HMGB2: variants seen among roughly 807,000 people sequenced by gnomAD.
HMGB2 encodes the protein high mobility group protein B2.
A neutral mutation model predicts 23.0 loss-of-function variants in HMGB2; 2 were observed. The observed-to-expected ratio is 0.09, with a 90% CI of 0.04 to 0.27. The LOEUF is 0.27. HMGB2 is among the 10% of genes least tolerant of loss of function. The pLI is 1.00. For synonymous variants in HMGB2, 99 were observed against 87.5 expected (o/e 1.13, Z -0.73); for missense variants, 178 against 256.5 (o/e 0.69, Z 2.09).
At position 173,333,071 on chromosome 4, in the gene HMGB2, T is replaced by C; in HGVS notation, c.294A>G (p.Pro98=). The C allele has an allele frequency of 2.5e-6, 4 of 1,613,008 alleles. No individual in the cohort carries two copies. The highest frequency in any genetic ancestry group is 3.4e-6 in the Non-Finnish European group (4 of 1,179,534). ...AATTTGGGTTATTTTAAACTTACGG[T>C]GGCCTTTTAGGAGCATTGGGGTCCT... ...KKKDPNAPKR[P]PSAFFLFCSE... is the part of the protein sequence containing the mutation. The change falls in exon 3 of 5, where the codon CCA becomes CCG. Residue 98 remains proline, a splice_region_variant and synonymous_variant. Transcript: ENST00000296503. The surrounding 1 kb of genome is among the most constrained non-coding windows in gnomAD (Gnocchi z 4.6).
chr4:173,333,181 C>T lies in HMGB2; in HGVS notation c.184G>A (p.Asp62Asn), dbSNP rs771170477. The change falls in exon 3 of 5, where the codon GAT (aspartate) becomes AAT (asparagine). Residue 62 changes from aspartate (D) to asparagine (N), a missense_variant. Around this residue, in one of 3 missense-constraint regions of HMGB2, gnomAD observed 90 missense variants for 114.4 expected, o/e 0.79. Coordinates refer to ENST00000296503, the MANE Select transcript of HMGB2 (RefSeq NM_002129.4). The surrounding 1 kb of genome is among the most constrained non-coding windows in gnomAD (Gnocchi z 4.6). Reference protein sequence around the residue: ...MSAKEKSKFEDMAKSDKARYD... With the variant: ...MSAKEKSKFENMAKSDKARYD... ...CGAGCTTTGTCACTTTTTGCCATAT[C>T]TTCAAACTTCGACTTCTCCTTTGCA... The T allele has an allele frequency of 6.2e-7, 1 of 1,614,054 alleles. No homozygotes were observed. The highest frequency in any genetic ancestry group is 8.5e-7 in the Non-Finnish European group (1 of 1,180,004).
At chr4:173,332,773 T>A (rs752084331) in intron 4 of HMGB2, 48 bp downstream of exon 4, 1 of 1,512,388 alleles carries the variant, frequency 6.6e-7, no homozygotes, top group South Asian at 1.2e-5. Context: ...CTACAGTTAT[T>A]ACCTATACCT....
intron 1 of HMGB2, chr4:173,334,065 T>A (rs1738185700): frequency 6.6e-6 from 1 of 152,538 alleles, no homozygotes; most frequent in African/African-American, 2.4e-5. Context: ...CATTGAAAAC[T>A]CCCAGAACCG....
At position 173,332,505 on chromosome 4, in the gene HMGB2, TCA is replaced by T. The variant is rs1578934132; in HGVS notation, c.472-269_472-268del. On this transcript the variant is annotated intron_variant, in intron 4 of 4. Transcript: ENST00000296503. ...CAGTGCCATAGTCCCTCCTGTACCT[TCA>T]CATTTTATATATATCTACATAAAAC... The T allele has an allele frequency of 1.7e-5, 8 of 481,492 alleles. No homozygotes were observed. The East Asian group carries it at 2.7e-4, about 16-fold the overall frequency. The allele number at this position is 481,492 out of a possible 1,614,324, so 29.8% of individuals were successfully genotyped here.
In HMGB2 at chr4:173,332,074, A is replaced by G. The variant is rs372043069; in HGVS notation, c.*6T>C. ...CATTCCACACGCATCATTAAAGGAT[A>G]GCCATTTATTCTTCATCTTCATCCT... is the stretch of plus-strand genomic sequence containing the variant. On this transcript the variant is annotated 3_prime_UTR_variant, in exon 5 of 5. Transcript: ENST00000296503. The G allele has an allele frequency of 2.5e-6, 4 of 1,613,590 alleles. No individual in the cohort carries two copies. The African/African-American group carries it at 5.3e-5, about 22-fold the overall frequency.
At chr4:173,332,325 A>T in intron 4 of HMGB2, 87 bp from the exon 5 acceptor site, 1 of 1,008,374 alleles carries the variant, frequency 9.9e-7, no homozygotes, top group Non-Finnish European at 1.5e-6. Flanking sequence ...AAGATGATTG[A>T]CCAATAACCC....
rs897541636 is a variant in HMGB2, at chr4:173,331,713, T to C, written c.*367A>G. On this transcript the variant is annotated 3_prime_UTR_variant, in exon 5 of 5. Transcript: ENST00000296503. ...AAGACAATAGAAATAATATACATAA[T>C]TTTATTACAAAATTTTTTTTAAAAA... 2 of 166,628 alleles carry C rather than the reference T, an allele frequency of 1.2e-5. No individual in the cohort carries two copies. Among genetic ancestry groups the C allele is most frequent in the South Asian group, 3.3e-4 (2 of 6,016 alleles). 10.3% of individuals were successfully genotyped at this position (166,628 alleles called of 1,614,324 possible).
Position 173,333,546 on chromosome 4 carries a change from G to A in HMGB2, c.104C>T (p.Ser35Phe), listed in dbSNP as rs1304003349. 5 of 1,614,196 alleles carry A rather than the reference G, an allele frequency of 3.1e-6. No individual in the cohort carries two copies. The highest frequency in any genetic ancestry group is 4.2e-6 in the Non-Finnish European group (5 of 1,180,012). Residue 35 changes from serine (S) to phenylalanine (F), a missense_variant, in exon 2 of 5, where the codon TCC becomes TTC. Ser to Phe is a radical substitution (Grantham distance 155, BLOSUM62 -2). Around this residue, in one of 3 missense-constraint regions of HMGB2, gnomAD observed 90 missense variants for 114.4 expected, o/e 0.79. Transcript: ENST00000296503. The surrounding 1 kb of genome is among the most constrained non-coding windows in gnomAD (Gnocchi z 4.6). ...EEHKKKHPDSSVNFAEFSKKC... is the reference protein window; with the variant it reads ...EEHKKKHPDSFVNFAEFSKKC... ...CTTGGAGAATTCCGCGAAATTGACGGAAGAGTCCGGGTGTTTCTTCTTGTG... is the reference window on the plus strand; with the variant it reads ...CTTGGAGAATTCCGCGAAATTGACGAAAGAGTCCGGGTGTTTCTTCTTGTG...
intron 4 of HMGB2, 78 bp from the exon 5 acceptor site, chr4:173,332,316 A>G: frequency 2.7e-6 from 3 of 1,124,220 alleles, no homozygotes; most frequent in Non-Finnish European, 3.8e-6. Flanking sequence ...AAACAATCTA[A>G]GATGATTGAC....
chr4:173,332,685 G>A (rs1400303377), intron 4 of HMGB2, 136 bp downstream of exon 4: 32 of 764,930 alleles, frequency 4.2e-5, no homozygotes, highest in Non-Finnish European at 6.1e-5. Context: ...TTGTGTTGAA[G>A]TGTACAATTT....
At chr4:173,332,633 C>T in intron 4 of HMGB2, 188 bp downstream of exon 4, 1 of 589,172 alleles carries the variant, frequency 1.7e-6, no homozygotes, top group East Asian at 2.8e-5. Context: ...TATACTAGTG[C>T]TACAAACACT....
At position 173,333,297 on chromosome 4, in the gene HMGB2, C is replaced by T. The variant is rs1405484979; in HGVS notation, c.151-83G>A. ...AAGACGACAAGATCATCTTTAAGGA[C>T]CACATTTTCCTTAACAGCATTTTGC... On this transcript the variant is annotated intron_variant, in intron 2 of 4. Coordinates refer to ENST00000296503, the MANE Select transcript of HMGB2 (RefSeq NM_002129.4). This position sits in a 1 kb window ranked among gnomAD's most constrained non-coding sequence, Gnocchi z 4.6. 1.4e-6 allele frequency: 2 copies of T among 1,465,482 alleles called. No homozygotes were observed. Among genetic ancestry groups the T allele is most frequent in the Admixed American group, 4.3e-5 (2 of 46,402 alleles). The allele number at this position is 1,465,482 out of a possible 1,614,324, so 90.8% of individuals were successfully genotyped here. A position where few individuals can be genotyped will look rare whatever the true frequency, so the allele number is the denominator to read the frequency against.
Position 173,333,569 on chromosome 4 carries a change from G to C in HMGB2, c.81C>G (p.His27Gln). 1 of 1,614,196 alleles carries C rather than the reference G, an allele frequency of 6.2e-7. No homozygotes were observed. The change falls in exon 2 of 5, where the codon CAC becomes CAG. Residue 27 changes from histidine (H) to glutamine (Q), a missense_variant. By Grantham distance (24) the His-to-Gln change is conservative. Around this residue, in one of 3 missense-constraint regions of HMGB2, gnomAD observed 90 missense variants for 114.4 expected, o/e 0.79. Transcript: ENST00000296503. The surrounding 1 kb of genome is among the most constrained non-coding windows in gnomAD (Gnocchi z 4.6). Reference protein sequence around the residue: ...AFFVQTCREEHKKKHPDSSVN... With the variant: ...AFFVQTCREEQKKKHPDSSVN... The stretch of plus-strand genomic sequence containing the variant: ...CGGAAGAGTCCGGGTGTTTCTTCTT[G>C]TGCTCTTCCCGGCAGGTCTGCACGA...
rs1402622115 is a variant in HMGB2, at chr4:173,332,388, C to T, written c.472-150G>A. ...CTAAGTTTTTAGAGCACTTATCCCA[C>T]TAGGCTTTAACAAGTTAATGACGTA... is the stretch of plus-strand genomic sequence containing the variant. On this transcript the variant is annotated intron_variant, in intron 4 of 4. Transcript: ENST00000296503. The T allele has an allele frequency of 6.6e-6, 4 of 607,632 alleles. No homozygotes were observed. The East Asian group carries it at 1.2e-4, about 18-fold the overall frequency. The allele number at this position is 607,632 out of a possible 1,614,324, so 37.6% of individuals were successfully genotyped here.
At position 173,333,685 on chromosome 4, in the gene HMGB2, G is replaced by C. The variant is rs760399486; in HGVS notation, c.-20-16C>G. 8.9e-6 allele frequency: 14 copies of C among 1,565,434 alleles called. No homozygotes were observed. Among genetic ancestry groups the C allele is most frequent in the East Asian group, 2.4e-5 (1 of 41,892 alleles). ...CCGCGTCCACCTGACGGGGCCGAGG[G>C]GGGAGAGGGGAAGCCGGAGGGTCGG... On this transcript the variant is annotated splice_polypyrimidine_tract_variant and intron_variant, in intron 1 of 4. Transcript: ENST00000296503. This position sits in a 1 kb window ranked among gnomAD's most constrained non-coding sequence, Gnocchi z 4.6.
At chr4:173,332,720 C>T (rs1489781844) in intron 4 of HMGB2, 101 bp downstream of exon 4, 17 of 1,055,792 alleles carry the variant, frequency 1.6e-5, no homozygotes, top group African/African-American at 3.2e-5. Flanking sequence ...CAAAACATAG[C>T]TGACAACCAT....
chr4:173,333,060 TA>T lies in HMGB2; in HGVS notation c.296+8del. On this transcript the variant is annotated splice_region_variant and intron_variant, in intron 3 of 4. Transcript: ENST00000296503. The surrounding 1 kb of genome is among the most constrained non-coding windows in gnomAD (Gnocchi z 4.6). The stretch of plus-strand genomic sequence containing the variant: ...ATCCAAGGAGCAATTTGGGTTATTT[TA>T]AACTTACGGTGGCCTTTTAGGAGCA... 1.2e-6 allele frequency: 2 copies of T among 1,613,026 alleles called. No individual in the cohort carries two copies. The highest frequency in any genetic ancestry group is 1.7e-6 in the Non-Finnish European group (2 of 1,179,464).
Position 173,333,685 on chromosome 4 carries a change from G to T in HMGB2, c.-20-16C>A, listed in dbSNP as rs760399486. On this transcript the variant is annotated splice_polypyrimidine_tract_variant and intron_variant, in intron 1 of 4. Coordinates refer to ENST00000296503, the MANE Select transcript of HMGB2 (RefSeq NM_002129.4). This position sits in a 1 kb window ranked among gnomAD's most constrained non-coding sequence, Gnocchi z 4.6. ...CCGCGTCCACCTGACGGGGCCGAGGGGGGAGAGGGGAAGCCGGAGGGTCGG... is the reference window on the plus strand; with the variant it reads ...CCGCGTCCACCTGACGGGGCCGAGGTGGGAGAGGGGAAGCCGGAGGGTCGG... 1.3e-6 allele frequency: 2 copies of T among 1,565,432 alleles called. No homozygotes were observed. Among genetic ancestry groups the T allele is most frequent in the Non-Finnish European group, 1.7e-6 (2 of 1,151,764 alleles).
intron 4 of HMGB2, 30 bp downstream of exon 4, chr4:173,332,791 T>TACCTATAGGTATTACCTATACCTATA: frequency 6.3e-7 from 1 of 1,591,198 alleles, no homozygotes; most frequent in Non-Finnish European, 8.6e-7. Context: ...CCTAGTCTTA[T>TACCTATAGGTATTACCTATACCTATA]CCACGGCTTT....
Sources: gnomAD v4.1 joint callset for allele counts on GRCh38, gnomAD v4.1.1 for gene constraint, gnomAD v4.1.1 regional missense constraint, Gnocchi (gnomAD v3.1) non-coding constraint, MANE v1.5 for transcripts, NCBI Gene and HGNC (gene_info 2026-07-23, HGNC 2026-07-21) for gene names.